Variants in SH3KBP1 observed in about 807,000 individuals in gnomAD.
SH3KBP1 encodes the protein SH3 domain containing kinase binding protein 1, also known as SH3 domain-containing kinase-binding protein 1.
Under a neutral mutation model 50.1 loss-of-function variants are expected in SH3KBP1, and 8 were observed. The observed-to-expected ratio is 0.16, with a 90% CI of 0.09 to 0.29. The LOEUF (loss-of-function observed/expected upper bound fraction) is 0.29. SH3KBP1 is among the 10% of genes least tolerant of loss of function. The pLI is 1.00. For synonymous variants in SH3KBP1, 227 were observed against 218.6 expected (o/e 1.04, Z -0.34); for missense variants, 377 against 535.2 (o/e 0.70, Z 2.92).
Position 19,534,895 on chromosome X carries a change from G to A in SH3KBP1, c.*1522C>T. 1 of 297,623 alleles carries A rather than the reference G, an allele frequency of 3.4e-6. No homozygotes were observed. Among genetic ancestry groups the A allele is most frequent in the Non-Finnish European group, 5.9e-6 (1 of 170,374 alleles). The allele number at this position is 297,623 out of a possible 1,213,427, so 24.5% of individuals were successfully genotyped here. A position where few individuals can be genotyped will look rare whatever the true frequency, so the allele number is the denominator to read the frequency against. On this transcript the variant is annotated 3_prime_UTR_variant, in exon 18 of 18. Coordinates refer to ENST00000397821, the MANE Select transcript of SH3KBP1 (RefSeq NM_031892.3). ...GACATTTATTTGTAATACTATCAAT[G>A]ATCAGTAATGTGATTTTTTGTTTTT...
At chrX:19,715,381 A>T (rs996565802) in intron 3 of SH3KBP1, among the ~76,000 whole-genome samples, 1 of 111,381 alleles carries the variant, frequency 9.0e-6, no homozygotes, top group Non-Finnish European at 1.9e-5. Context: ...AATGTGACAA[A>T]ATGCTAATAA....
chrX:19,575,639 A>G (rs915982517), intron 12 of SH3KBP1, among the ~76,000 whole-genome samples: 7 of 111,782 alleles, frequency 6.3e-5, no homozygotes, highest in Non-Finnish European at 1.3e-4. Context: ...AAAACACAGT[A>G]GGTGAAGTTT....
intron 2 of SH3KBP1, among the ~76,000 whole-genome samples, chrX:19,825,836 T>C (rs1031173395): frequency 2.7e-5 from 3 of 111,885 alleles, no homozygotes; most frequent in Non-Finnish European, 3.8e-5. Context: ...ATTGCACCAC[T>C]GCATTCCAGC....
At chrX:19,874,609 G>C (rs1293172052) in intron 1 of SH3KBP1, among the ~76,000 whole-genome samples, 1 of 103,784 alleles carries the variant, frequency 9.6e-6, no homozygotes, top group Non-Finnish European at 2.0e-5. Flanking sequence ...CAGGAGAGGA[G>C]GGGTGAGGAA....
intron 2 of SH3KBP1, among the ~76,000 whole-genome samples, chrX:19,755,098 C>T (rs775258095): frequency 2.4e-4 from 27 of 111,940 alleles, no homozygotes; most frequent in Non-Finnish European, 4.1e-4. Context: ...ATGGCAGGCA[C>T]GGTGGCTCAC....
At chrX:19,636,396 A>C (rs750655771) in intron 7 of SH3KBP1, among the ~76,000 whole-genome samples, 1 of 110,231 alleles carries the variant, frequency 9.1e-6, no homozygotes, top group South Asian at 3.9e-4. Flanking sequence ...GAGAAAATGT[A>C]TACAATATCA....
intron 1 of SH3KBP1, among the ~76,000 whole-genome samples, chrX:19,846,758 T>C (rs1364848754): frequency 1.8e-5 from 2 of 111,943 alleles, no homozygotes; most frequent in Non-Finnish European, 3.8e-5. Context: ...CCCTCTCATT[T>C]CATGAAACAA....
chrX:19,588,207 G>A, intron 12 of SH3KBP1: 1 of 532,572 alleles, frequency 1.9e-6, no homozygotes, highest in Non-Finnish European at 2.7e-6. Context: ...CTGGGCTATG[G>A]AAAGAAGCCC....
intron 3 of SH3KBP1, among the ~76,000 whole-genome samples, chrX:19,737,667 C>T (rs935508170): frequency 8.9e-6 from 1 of 111,759 alleles, no homozygotes; most frequent in African/African-American, 3.3e-5. Context: ...CAGGTTCCAT[C>T]GTGATCCAAG....
At chrX:19,767,922 G>A (rs945082032) in intron 2 of SH3KBP1, among the ~76,000 whole-genome samples, 9 of 110,265 alleles carry the variant, frequency 8.2e-5, no homozygotes, top group Non-Finnish European at 1.1e-4. Flanking sequence ...GCAGAACTTC[G>A]GTGGTTCTGT....
chrX:19,590,070 C>T, intron 11 of SH3KBP1, among the ~76,000 whole-genome samples: 1 of 111,149 alleles, frequency 9.0e-6, no homozygotes, highest in Non-Finnish European at 1.9e-5. Context: ...AATCGCACCA[C>T]TGCACCCCAG....
chrX:19,548,963 C>G (rs190528943), intron 14 of SH3KBP1, among the ~76,000 whole-genome samples: 16 of 112,061 alleles, frequency 1.4e-4, no homozygotes, highest in African/African-American at 4.5e-4. Context: ...AATTTTTACC[C>G]AAGTCAATAA....
intron 2 of SH3KBP1, among the ~76,000 whole-genome samples, chrX:19,794,230 CAAAA>C (rs1218495525): frequency 6.1e-3 from 166 of 27,337 alleles, no homozygotes; most frequent in African/African-American, 0.015. Context: ...CCTGTCTCTA[CAAAA>C]AAAAAAAAAA....
chrX:19,576,298 T>C (rs2066195070), intron 12 of SH3KBP1, among the ~76,000 whole-genome samples: 1 of 110,751 alleles, frequency 9.0e-6, no homozygotes, highest in South Asian at 3.9e-4. Flanking sequence ...ACACCAGGTA[T>C]AAGTAGAACC....
chrX:19,879,850 T>C (rs1302741382), intron 1 of SH3KBP1, among the ~76,000 whole-genome samples: 2 of 113,307 alleles, frequency 1.8e-5, no homozygotes, highest in Non-Finnish European at 3.7e-5. Flanking sequence ...TCTGTGTTAA[T>C]AAGCCCCCGG....
chrX:19,754,618 C>T (rs920685758), intron 2 of SH3KBP1, among the ~76,000 whole-genome samples: 1 of 111,500 alleles, frequency 9.0e-6, no homozygotes, highest in African/African-American at 3.3e-5. Context: ...CAGGCACCCA[C>T]CACCAACATC....
At position 19,667,812 on chromosome X, in the gene SH3KBP1, ATTTTTTT is replaced by A. The variant is rs779927127; in HGVS notation, c.726+16004_726+16010del. Among the ~76,000 whole-genome samples, 28 of 55,864 alleles carry A rather than the reference ATTTTTTT, an allele frequency of 5.0e-4. 1 individual carries two copies. The highest frequency in any genetic ancestry group is 1.8e-4 in the Non-Finnish European group (6 of 32,836). The allele number at this position is 55,864 out of a possible 115,157, so 48.5% of individuals were successfully genotyped here. ...AAAGTCTTACTTTTGTTCTGTTGGGATTTTTTTTTTTTTTTTTTTTTTTTTTTACCGT... is the reference window on the plus strand; with the variant it reads ...AAAGTCTTACTTTTGTTCTGTTGGGATTTTTTTTTTTTTTTTTTTTACCGT... On this transcript the variant is annotated intron_variant, in intron 6 of 17. Transcript: ENST00000397821.
intron 6 of SH3KBP1, among the ~76,000 whole-genome samples, chrX:19,647,076 C>T (rs1176425853): frequency 8.9e-6 from 1 of 112,282 alleles, no homozygotes; most frequent in Non-Finnish European, 1.9e-5. Context: ...ATTTCATTCA[C>T]ATTCCTGTTC....
At position 19,819,335 on chromosome X, in the gene SH3KBP1, T is replaced by TTTTA. The variant is rs772608202; in HGVS notation, c.162+16786_162+16789dup. ...AGAGGTTTACCCATTTTATTGATCT[T>TTTTA]TTTATTTATTTATTTTGAAATAGGA... On this transcript the variant is annotated intron_variant, in intron 2 of 17. Transcript: ENST00000397821. Among the ~76,000 whole-genome samples the TTTTA allele has an allele frequency of 3.2e-4, 36 of 111,139 alleles. No homozygotes were observed. In the Middle Eastern group the frequency reaches 0.018, roughly 57 times the overall value.
Sources: allele counts gnomAD v4.1 joint callset (sites outside exome capture counted in the v4.1 genomes callset), GRCh38; gene constraint gnomAD v4.1.1; transcripts MANE v1.5; gene names NCBI Gene and HGNC (gene_info 2026-07-23, HGNC 2026-07-21).